FRMD4A: variants seen among roughly 807,000 people sequenced by gnomAD.
FRMD4A encodes the protein FERM domain containing 4A, also known as FERM domain-containing protein 4A.
In FRMD4A, 29 loss-of-function variants were observed where a neutral mutation model predicts 129.1. That is an observed-to-expected ratio of 0.22 (90% confidence interval 0.17 to 0.31). FRMD4A has a LOEUF of 0.31. Among genes scored for constraint, FRMD4A ranks in the 10% least tolerant of loss-of-function variants. FRMD4A has a pLI of 1.00. For missense variants in FRMD4A, 1,272 were observed against 1,375.8 expected, an observed-to-expected ratio of 0.92 and a Z score of 1.19; for synonymous variants, 634 against 571.6, an observed-to-expected ratio of 1.11 and a Z score of -1.56.
intron 18 of FRMD4A, among the ~76,000 whole-genome samples, chr10:13,665,732 A>G (rs1443562171): frequency 1.3e-5 from 2 of 152,192 alleles, no homozygotes; most frequent in African/African-American, 4.8e-5. Flanking sequence ...CTGTCCTTCC[A>G]GACTTGAGTA....
At chr10:14,172,596 T>G (rs946534646) in intron 2 of FRMD4A, among the ~76,000 whole-genome samples, 1 of 152,224 alleles carries the variant, frequency 6.6e-6, no homozygotes. Context: ...CTGCGATAGT[T>G]TGCAATTTGA....
In FRMD4A at chr10:14,071,256, C is replaced by T. The variant is rs78484720; in HGVS notation, c.46-212344G>A. 4.5e-3 allele frequency among the ~76,000 whole-genome samples: 687 copies of T among 152,288 alleles called. 5 individuals are homozygous for T. The highest frequency in any genetic ancestry group is 0.016 in the African/African-American group (652 of 41,564). On this transcript the variant is annotated intron_variant, in intron 2 of 24. Coordinates refer to ENST00000357447, the MANE Select transcript of FRMD4A (RefSeq NM_018027.5). ...TGAAACTACATGCCACATTCAGAAA[C>T]GACATTAATTCTCTAAGAGACCAAG...
chr10:14,233,105 G>A (rs945494898), intron 2 of FRMD4A, among the ~76,000 whole-genome samples: 6 of 152,134 alleles, frequency 3.9e-5, no homozygotes, highest in African/African-American at 1.4e-4. Context: ...TGTAAGATGG[G>A]AATAATGTCA....
At chr10:14,066,421 G>A (rs1247503701) in intron 2 of FRMD4A, among the ~76,000 whole-genome samples, 1 of 152,114 alleles carries the variant, frequency 6.6e-6, no homozygotes, top group South Asian at 2.1e-4. Context: ...AGCTTAGGTA[G>A]GCATTTAATA....
At chr10:14,000,668 A>AAAAAAAAAAAAAAAAAAAAAAAAG (rs1555009702) in intron 2 of FRMD4A, among the ~76,000 whole-genome samples, 1 of 74,520 alleles carries the variant, frequency 1.3e-5, no homozygotes, top group Non-Finnish European at 4.1e-5. Flanking sequence ...AAAAAAAAAA[A>AAAAAAAAAAAAAAAAAAAAAAAAG]GAGAAGAAAG....
At chr10:13,909,606 T>C (rs1477629947) in intron 2 of FRMD4A, among the ~76,000 whole-genome samples, 3 of 152,248 alleles carry the variant, frequency 2.0e-5, no homozygotes, top group Admixed American at 2.0e-4. Flanking sequence ...GAGTTAATTA[T>C]TATGGATGTA....
chr10:14,246,576 CA>C (rs1844248058), intron 2 of FRMD4A, among the ~76,000 whole-genome samples: 1 of 152,142 alleles, frequency 6.6e-6, no homozygotes, highest in Admixed American at 6.5e-5. Flanking sequence ...CATATGTACA[CA>C]CATGCATGCT....
rs186753953 is a variant in FRMD4A at position 13,725,956 on chromosome 10, G to C, written c.759+11888C>G. Among the ~76,000 whole-genome samples, 7 of 152,328 alleles carry C rather than the reference G, an allele frequency of 4.6e-5. No individual in the cohort carries two copies. The East Asian group carries it at 1.4e-3, about 29-fold the overall frequency. ...AGTCCCCACTTCACAGATATAAAAAGAGAGGCACAGGGAGGTTAAATAAAT... is the reference window on the plus strand; with the variant it reads ...AGTCCCCACTTCACAGATATAAAAACAGAGGCACAGGGAGGTTAAATAAAT... On this transcript the variant is annotated intron_variant, in intron 12 of 24. Transcript: ENST00000357447.
chr10:13,802,478 G>A (rs1029308802), intron 4 of FRMD4A, among the ~76,000 whole-genome samples: 23 of 152,266 alleles, frequency 1.5e-4, no homozygotes, highest in African/African-American at 5.3e-4. Flanking sequence ...TAGAGACAGG[G>A]TCTCACTCTG....
intron 11 of FRMD4A, among the ~76,000 whole-genome samples, chr10:13,739,295 T>G (rs1427290304): frequency 6.6e-6 from 1 of 152,208 alleles, no homozygotes; most frequent in Non-Finnish European, 1.5e-5. Context: ...GGGAAGCAGC[T>G]GTGTGCACTG....
intron 15 of FRMD4A, among the ~76,000 whole-genome samples, chr10:13,683,468 A>G (rs924542951): frequency 6.6e-6 from 1 of 151,870 alleles, no homozygotes; most frequent in African/African-American, 2.4e-5. Flanking sequence ...GTGGTGGTAA[A>G]CGCCTGTAGT....
intron 2 of FRMD4A, chr10:13,891,781 GC>G (rs993034167): frequency 7.2e-5 from 69 of 961,398 alleles, no homozygotes; most frequent in Non-Finnish European, 8.3e-5. Context: ...CCCCGCCGCC[GC>G]CCCCGCCGCG....
intron 2 of FRMD4A, among the ~76,000 whole-genome samples, chr10:14,250,917 T>C (rs1408778933): frequency 1.3e-5 from 2 of 152,182 alleles, no homozygotes; most frequent in Non-Finnish European, 2.9e-5. Context: ...CCAATTTGTA[T>C]TCATTGCCAG....
chr10:14,309,605 C>T (rs1015455339), intron 2 of FRMD4A, among the ~76,000 whole-genome samples: 1 of 152,070 alleles, frequency 6.6e-6, no homozygotes, highest in African/African-American at 2.4e-5. Context: ...TTCTGAGAAC[C>T]CCCGAGGTAG....
intron 2 of FRMD4A, among the ~76,000 whole-genome samples, chr10:14,028,408 C>A (rs1833081358): frequency 6.6e-6 from 1 of 152,126 alleles, no homozygotes; most frequent in Non-Finnish European, 1.5e-5. Flanking sequence ...TATCAGGGGA[C>A]TCACTCTGGG....
intron 2 of FRMD4A, among the ~76,000 whole-genome samples, chr10:14,190,251 G>A (rs1193648639): frequency 6.6e-6 from 1 of 152,162 alleles, no homozygotes; most frequent in African/African-American, 2.4e-5. Context: ...CACAGCAAAT[G>A]ACCACCCCTC....
At chr10:14,003,847 T>C (rs1009471129) in intron 2 of FRMD4A, among the ~76,000 whole-genome samples, 4 of 152,230 alleles carry the variant, frequency 2.6e-5, no homozygotes, top group African/African-American at 9.6e-5. Context: ...GTTATAGCAG[T>C]TTAATAAAAA....
intron 2 of FRMD4A, among the ~76,000 whole-genome samples, chr10:14,174,534 G>GTTCATTCATTCA (rs3033997): frequency 0.03 from 4,479 of 150,494 alleles, 98 homozygotes; most frequent in African/African-American, 0.052. Context: ...GCGTTTGTTC[G>GTTCATTCATTCA]TTCATTCATT....
At chr10:14,283,911 C>G (rs776454563) in intron 2 of FRMD4A, among the ~76,000 whole-genome samples, 3 of 152,226 alleles carry the variant, frequency 2.0e-5, no homozygotes, top group Non-Finnish European at 4.4e-5. Flanking sequence ...GATCATTTGA[C>G]AAGCCTTTGA....
Sources: gnomAD v4.1 joint callset for allele counts (sites outside exome capture counted in the v4.1 genomes callset) on GRCh38, gnomAD v4.1.1 for gene constraint, MANE v1.5 for transcripts, NCBI Gene and HGNC (gene_info 2026-07-23, HGNC 2026-07-21) for gene names.